MAB21L4: variants seen among roughly 807,000 people sequenced by gnomAD.
MAB21L4 encodes mab-21 like 4.
MAB21L4 carries 25 observed loss-of-function variants against 32.4 expected under a neutral mutation model. The ratio of observed to expected loss-of-function variants is 0.77; its 90% CI spans 0.56 to 1.08. MAB21L4 has a LOEUF of 1.08. MAB21L4 is among the 50% of genes least tolerant of loss of function. The probability of loss-of-function intolerance (pLI) is 0.00; values close to 1 mark genes in which losing one functional copy is unlikely to be tolerated. For synonymous variants in MAB21L4, 280 were observed against 276.8 expected (o/e 1.01, Z -0.11); for missense variants, 638 against 611.0 (o/e 1.04, Z -0.47).
In MAB21L4 at chr2:240,895,978, G is replaced by A; in HGVS notation, c.20C>T (p.Pro7Leu). ...CACCTGCACGGCCATGGCTGAGGTG[G>A]GGAGAGCAGGGGCAGGCATCCCTTC... MPAPAL[P>L]TSAMAVQVPL... The change falls in exon 1 of 5, where the codon CCC becomes CTC. Residue 7 changes from proline (P) to leucine (L), a missense_variant. Transcript: ENST00000388934. The A allele has an allele frequency of 6.9e-7, 1 of 1,459,630 alleles. No individual in the cohort carries two copies. Among genetic ancestry groups the A allele is most frequent in the African/African-American group, 1.4e-5 (1 of 70,572 alleles). The allele number at this position is 1,459,630 out of a possible 1,614,324, so 90.4% of individuals were successfully genotyped here. A position where few individuals can be genotyped will look rare whatever the true frequency, so the allele number is the denominator to read the frequency against.
intron 4 of MAB21L4, 118 bp downstream of exon 4, chr2:240,888,174 G>A: frequency 1.2e-6 from 1 of 811,224 alleles, no homozygotes; most frequent in Non-Finnish European, 1.9e-6. Context: ...CCCTGACCTG[G>A]CCTCAGCATT....
chr2:240,887,257 C>T (rs2059103558), intron 4 of MAB21L4, 95 bp from the exon 5 acceptor site: 2 of 1,033,950 alleles, frequency 1.9e-6, no homozygotes, highest in Non-Finnish European at 3.0e-6. Flanking sequence ...ACAACTGGCC[C>T]TCCCTGGGCC....
intron 2 of MAB21L4, 131 bp downstream of exon 2, chr2:240,891,407 C>T (rs1016168835): frequency 1.3e-5 from 11 of 825,934 alleles, no homozygotes; most frequent in East Asian, 1.3e-4. Context: ...CAGTGGAACA[C>T]ACATGCCCAT....
chr2:240,887,098 G>A lies in MAB21L4; in HGVS notation c.1316C>T (p.Thr439Ile), dbSNP rs966061175. The change falls in exon 5 of 5, where the codon ACC becomes ATC. Residue 439 changes from threonine (T) to isoleucine (I), a missense_variant. Coordinates refer to ENST00000388934, the MANE Select transcript of MAB21L4 (RefSeq NM_001085437.3). The stretch of plus-strand genomic sequence containing the variant: ...GCTCTCCTCGCCTCCCAGAGTCCTG[G>A]TCTTCTGGAAGATGCTCTGCATGGC... ...ISAMQSIFQK[T>I]RTLGGEES The A allele has an allele frequency of 2.5e-6, 4 of 1,614,032 alleles. No homozygotes were observed. In the African/African-American group the frequency reaches 5.3e-5, roughly 22 times the overall value.
chr2:240,892,077 A>G, intron 1 of MAB21L4: 1 of 1,440,542 alleles, frequency 6.9e-7, no homozygotes, highest in Non-Finnish European at 9.1e-7. Flanking sequence ...TTTGCCAGGC[A>G]CCACCCTCAC....
intron 1 of MAB21L4, among the ~76,000 whole-genome samples, chr2:240,894,397 A>G (rs546367110): frequency 6.6e-6 from 1 of 152,200 alleles, no homozygotes; most frequent in East Asian, 1.9e-4. Context: ...CAGGGTCCCC[A>G]TCATCCTGGC....
intron 4 of MAB21L4, 44 bp downstream of exon 4, chr2:240,888,248 C>G: frequency 1.4e-6 from 2 of 1,449,664 alleles, no homozygotes; most frequent in African/African-American, 1.5e-5. Flanking sequence ...TTCCACCCTC[C>G]CATGCCCCCG....
At chr2:240,890,380 G>A (rs186234659) in intron 2 of MAB21L4, among the ~76,000 whole-genome samples, 108 of 152,336 alleles carry the variant, frequency 7.1e-4, no homozygotes, top group Middle Eastern at 3.4e-3. Context: ...AATACGGAGG[G>A]ATGTAGGAGC....
At position 240,886,926 on chromosome 2, in the gene MAB21L4, G is replaced by A; in HGVS notation, c.*144C>T. The A allele has an allele frequency of 1.6e-6, 1 of 617,692 alleles. No individual in the cohort carries two copies. Among genetic ancestry groups the A allele is most frequent in the Non-Finnish European group, 2.8e-6 (1 of 355,288 alleles). 38.3% of individuals were successfully genotyped at this position (617,692 alleles called of 1,614,324 possible). A position where few individuals can be genotyped will look rare whatever the true frequency, so the allele number is the denominator to read the frequency against. On this transcript the variant is annotated 3_prime_UTR_variant, in exon 5 of 5. Coordinates refer to ENST00000388934, the MANE Select transcript of MAB21L4 (RefSeq NM_001085437.3). ...CACCAGGCACTGAAAGACTCTCAGAGGCCACTGCTGGGGACAAAATCCCTC... is the reference window on the plus strand; with the variant it reads ...CACCAGGCACTGAAAGACTCTCAGAAGCCACTGCTGGGGACAAAATCCCTC...
chr2:240,890,717 T>TC (rs2059137845), intron 2 of MAB21L4, among the ~76,000 whole-genome samples: 1 of 151,970 alleles, frequency 6.6e-6, no homozygotes, highest in African/African-American at 2.4e-5. Flanking sequence ...GCGCCCAGTG[T>TC]CCCCCGCAAG....
At chr2:240,888,181 C>A in intron 4 of MAB21L4, 111 bp downstream of exon 4, 1 of 891,814 alleles carries the variant, frequency 1.1e-6, no homozygotes, top group African/African-American at 1.8e-5. Flanking sequence ...CTGGCCTCAG[C>A]ATTCCTGGGG....
chr2:240,888,258 G>C (rs773571903), intron 4 of MAB21L4, 34 bp downstream of exon 4: 1 of 1,484,704 alleles, frequency 6.7e-7, no homozygotes, highest in Non-Finnish European at 9.0e-7. Flanking sequence ...CCATGCCCCC[G>C]GGCCTGCCCA....
Position 240,891,412 on chromosome 2 carries a change from G to A in MAB21L4, c.740+126C>T, listed in dbSNP as rs962110376. 25 of 849,282 alleles carry A rather than the reference G, an allele frequency of 2.9e-5. No individual in the cohort carries two copies. In the Admixed American group the frequency reaches 6.0e-4, roughly 20 times the overall value. 52.6% of individuals were successfully genotyped at this position (849,282 alleles called of 1,614,324 possible). On this transcript the variant is annotated intron_variant, in intron 2 of 4. Coordinates refer to ENST00000388934, the MANE Select transcript of MAB21L4 (RefSeq NM_001085437.3). ...CCAGTAATCTCAGTGGAACACACAT[G>A]CCCATGGGGGCAGAGGCAGACGGAG... is the stretch of plus-strand genomic sequence containing the variant.
At chr2:240,888,720 C>T (rs2059119349) in intron 3 of MAB21L4, 72 bp from the exon 4 acceptor site, 2 of 1,138,742 alleles carry the variant, frequency 1.8e-6, no homozygotes, top group African/African-American at 1.7e-5. Flanking sequence ...CCTGCGCTCC[C>T]ACCCTCACCC....
Position 240,895,849 on chromosome 2 carries a change from A to T in MAB21L4, c.149T>A (p.Val50Glu). 1 of 1,578,022 alleles carries T rather than the reference A, an allele frequency of 6.3e-7. No individual in the cohort carries two copies. The highest frequency in any genetic ancestry group is 8.6e-7 in the Non-Finnish European group (1 of 1,159,682). Residue 50 changes from valine (V) to glutamate (E), a missense_variant, in exon 1 of 5, where the codon GTG (valine) becomes GAG (glutamate). Transcript: ENST00000388934. ...GATGAAGCGGGGGTCCAGGGCATGC[A>T]CGCGCTCCAGCACCGTGAGCAGCAC... ...ENVLLTVLER[V>E]HALDPRFIVD...
At chr2:240,888,073 C>A (rs954260605) in intron 4 of MAB21L4, among the ~76,000 whole-genome samples, 14 of 152,206 alleles carry the variant, frequency 9.2e-5, no homozygotes, top group Non-Finnish European at 1.6e-4. Flanking sequence ...AGGGAGAAGC[C>A]CCAGGCCCTG....
intron 1 of MAB21L4, chr2:240,891,996 C>A: frequency 2.6e-6 from 4 of 1,521,460 alleles, no homozygotes; most frequent in Non-Finnish European, 2.6e-6. Context: ...TGGTGACAGT[C>A]CTCGGCACAA....
chr2:240,886,873 G>T lies in MAB21L4; in HGVS notation c.*197C>A. The T allele has an allele frequency of 3.6e-6, 2 of 554,620 alleles. No homozygotes were observed. The highest frequency in any genetic ancestry group is 6.4e-6 in the Non-Finnish European group (2 of 312,080). 34.4% of individuals were successfully genotyped at this position (554,620 alleles called of 1,614,324 possible). A position where few individuals can be genotyped will look rare whatever the true frequency, so the allele number is the denominator to read the frequency against. On this transcript the variant is annotated 3_prime_UTR_variant, in exon 5 of 5. Coordinates refer to ENST00000388934, the MANE Select transcript of MAB21L4 (RefSeq NM_001085437.3). ...TGCATCCAGGCCCTGACCCAGGGAG[G>T]AGGTGCTCCAAGAGGCCTGCCCTGC...
intron 1 of MAB21L4, among the ~76,000 whole-genome samples, chr2:240,894,056 C>T (rs1273808891): frequency 6.6e-6 from 1 of 151,932 alleles, no homozygotes; most frequent in Non-Finnish European, 1.5e-5. Flanking sequence ...CTGTTAGAAT[C>T]CACCCTCCTG....
Sources: allele counts gnomAD v4.1 joint callset (sites outside exome capture counted in the v4.1 genomes callset), GRCh38; gene constraint gnomAD v4.1.1; transcripts MANE v1.5; gene names NCBI Gene and HGNC (gene_info 2026-07-23, HGNC 2026-07-21).